The following OR51B5 variants were observed in gnomAD, a reference collection of about 807,000 sequenced individuals.
OR51B5 encodes olfactory receptor 51B5.
For synonymous variants in OR51B5, 186 were observed against 144.8 expected (o/e 1.28, Z -2.04); for missense variants, 456 against 374.6 (o/e 1.22, Z -1.79).
rs144224764 is a variant in OR51B5, at chr11:5,420,639, T to C, written n.85-73729A>G. Among the ~76,000 whole-genome samples the C allele has an allele frequency of 2.6e-4, 34 of 132,134 alleles. No homozygotes were observed. In the East Asian group the frequency reaches 6.0e-3, roughly 23 times the overall value. 86.7% of individuals were successfully genotyped at this position (132,134 alleles called of 152,430 possible). A position where few individuals can be genotyped will look rare whatever the true frequency, so the allele number is the denominator to read the frequency against. On this transcript the variant is annotated intron_variant and non_coding_transcript_variant, in intron 1 of 4. Coordinates refer to the OR51B5 transcript ENST00000415970. ...TGTCTTTCTCTGTGATTCTTGTCTA[T>C]TGCTGCTATTTACAAAGTCTTCACA...
chr11:5,363,353 G>GT (rs112565550), intron 1 of OR51B5, among the ~76,000 whole-genome samples: 75,199 of 110,382 alleles, frequency 0.68, 22,081 homozygotes, highest in Middle Eastern at 0.74. Flanking sequence ...GTTTTTTTTG[G>GT]TTTTTGTTTT....
At chr11:5,436,142 A>C (rs1211242569) in intron 1 of OR51B5, among the ~76,000 whole-genome samples, 1 of 152,208 alleles carries the variant, frequency 6.6e-6, no homozygotes, top group Non-Finnish European at 1.5e-5. Context: ...AAGTCACATT[A>C]AGGACACTGA....
At chr11:5,418,458 A>C (rs1234119814) in intron 1 of OR51B5, among the ~76,000 whole-genome samples, 3 of 152,040 alleles carry the variant, frequency 2.0e-5, no homozygotes, top group Non-Finnish European at 4.4e-5. Flanking sequence ...ACAAACAAAC[A>C]AAAAAAGCAC....
At chr11:5,493,396 A>G (rs944485249) in intron 1 of OR51B5, among the ~76,000 whole-genome samples, 3 of 152,188 alleles carry the variant, frequency 2.0e-5, no homozygotes, top group Non-Finnish European at 4.4e-5. Flanking sequence ...TGAGAAATCT[A>G]TCTATACCAT....
chr11:5,384,192 A>G (rs1037205434), intron 1 of OR51B5, among the ~76,000 whole-genome samples: 1 of 151,930 alleles, frequency 6.6e-6, no homozygotes, highest in Non-Finnish European at 1.5e-5. Flanking sequence ...TGTTGTTTTT[A>G]GAAATGAGGT....
intron 1 of OR51B5, among the ~76,000 whole-genome samples, chr11:5,380,009 C>T (rs1264690347): frequency 1.3e-5 from 2 of 151,606 alleles, no homozygotes; most frequent in Admixed American, 6.6e-5. Context: ...AAATAAGCTA[C>T]CCAGACTCAG....
At chr11:5,488,705 G>C (rs1296661680) in intron 1 of OR51B5, 9 of 1,605,356 alleles carry the variant, frequency 5.6e-6, no homozygotes, top group African/African-American at 5.4e-5. Flanking sequence ...TTGCCAGGAA[G>C]AATGTCAGAT....
exon 1 of OR51B5, chr11:5,343,095 G>T (rs759813936): frequency 4.3e-6 from 7 of 1,613,014 alleles, no homozygotes; most frequent in Non-Finnish European, 8.5e-7. Flanking sequence ...AGAACTCCCA[G>T]CCCAATCTTC....
chr11:5,466,687 C>T (rs1011055467), intron 1 of OR51B5, among the ~76,000 whole-genome samples: 1 of 152,152 alleles, frequency 6.6e-6, no homozygotes, highest in Admixed American at 6.5e-5. Flanking sequence ...TCTGGGATGA[C>T]TTGTGGGATC....
At chr11:5,375,724 A>G (rs1849516176) in intron 1 of OR51B5, among the ~76,000 whole-genome samples, 1 of 152,260 alleles carries the variant, frequency 6.6e-6, no homozygotes, top group East Asian at 1.9e-4. Context: ...AGGCCATTAC[A>G]TAATGGTAAA....
chr11:5,414,739 T>C (rs959592729), intron 1 of OR51B5, among the ~76,000 whole-genome samples: 4 of 152,148 alleles, frequency 2.6e-5, no homozygotes, highest in African/African-American at 9.7e-5. Context: ...CCTAAATATA[T>C]ATGCACCCAA....
rs767350291 is a variant in OR51B5, at chr11:5,390,327, A to G, written n.85-43417T>C. 1.9e-6 allele frequency: 3 copies of G among 1,612,982 alleles called. No homozygotes were observed. The East Asian group carries it at 6.7e-5, about 36-fold the overall frequency. The stretch of plus-strand genomic sequence containing the variant: ...ATCATATACAGCATTAAGACCAAGG[A>G]GATCCACCGTGCCATTATCAAGTTC... On this transcript the variant is annotated intron_variant and non_coding_transcript_variant, in intron 1 of 4. Coordinates refer to the OR51B5 transcript ENST00000415970.
intron 1 of OR51B5, among the ~76,000 whole-genome samples, chr11:5,356,808 T>C (rs1849201577): frequency 8.0e-6 from 1 of 124,260 alleles, no homozygotes; most frequent in Non-Finnish European, 1.8e-5. Context: ...CAGAAGAGAG[T>C]GGGGGCCAAT....
At chr11:5,468,909 T>C (rs757694147) in intron 1 of OR51B5, 1 of 363,194 alleles carries the variant, frequency 2.8e-6, no homozygotes, top group Non-Finnish European at 5.5e-6. Flanking sequence ...ACACTGGCCT[T>C]ACAGAAAGGC....
In OR51B5 at chr11:5,441,550, G is replaced by A. The variant is rs755411799; in HGVS notation, n.84+64019C>T. The A allele has an allele frequency of 2.9e-5, 43 of 1,499,526 alleles. 1 individual carries two copies. The highest frequency in any genetic ancestry group is 3.7e-5 in the Non-Finnish European group (41 of 1,095,784). The allele number at this position is 1,499,526 out of a possible 1,614,324, so 92.9% of individuals were successfully genotyped here. ...TATAGATAGGGAATGGACCCAAGAGGGTGTGTTGGGAAACTTCTTCACTTT... is the reference window on the plus strand; with the variant it reads ...TATAGATAGGGAATGGACCCAAGAGAGTGTGTTGGGAAACTTCTTCACTTT... On this transcript the variant is annotated intron_variant and non_coding_transcript_variant, in intron 1 of 4. Transcript: ENST00000415970.
At chr11:5,502,385 A>C (rs185517215) in intron 1 of OR51B5, among the ~76,000 whole-genome samples, 9 of 152,126 alleles carry the variant, frequency 5.9e-5, no homozygotes, top group Admixed American at 4.6e-4. Flanking sequence ...CAAAATCAGG[A>C]TTCTCTTTTA....
intron 1 of OR51B5, among the ~76,000 whole-genome samples, chr11:5,476,430 T>C (rs1284933347): frequency 1.3e-5 from 2 of 152,188 alleles, no homozygotes; most frequent in Non-Finnish European, 2.9e-5. Context: ...AGAGGGTAAA[T>C]GCCTGTTTGT....
Position 5,436,393 on chromosome 11 carries a change from G to A in OR51B5, n.84+69176C>T, listed in dbSNP as rs80012466. Among the ~76,000 whole-genome samples the A allele has an allele frequency of 3.6e-3, 551 of 152,338 alleles. 3 individuals carry two copies. Among genetic ancestry groups the A allele is most frequent in the African/African-American group, 0.013 (523 of 41,578 alleles). ...GGAGAATGTCAGCATCTGCTGAATC[G>A]AGGTTAATGGTCTTTCAGCTCTCTT... On this transcript the variant is annotated intron_variant and non_coding_transcript_variant, in intron 1 of 4. Transcript: ENST00000415970.
At chr11:5,465,949 T>C (rs1199226028) in intron 1 of OR51B5, among the ~76,000 whole-genome samples, 2 of 150,622 alleles carry the variant, frequency 1.3e-5, no homozygotes, top group South Asian at 2.1e-4. Flanking sequence ...AAAGACAAAA[T>C]TGAGAAATGG....
Sources: gnomAD v4.1 joint callset for allele counts (sites outside exome capture counted in the v4.1 genomes callset) on GRCh38, gnomAD v4.1.1 for gene constraint, MANE v1.5 for transcripts, NCBI Gene and HGNC (gene_info 2026-07-23, HGNC 2026-07-21) for gene names.